Variants in EIPR1 observed in about 807,000 individuals in gnomAD.
EIPR1 encodes EARP complex and GARP complex interacting protein 1.
In EIPR1, 25 loss-of-function variants were observed where a neutral mutation model predicts 48.1. The observed-to-expected ratio is 0.52, with a 90% CI of 0.38 to 0.73. The LOEUF is 0.73. Ranked by LOEUF, EIPR1 falls within the 30% of genes least tolerant of loss-of-function variation. The pLI is 0.00. For missense variants in EIPR1, 415 were observed against 506.2 expected, an observed-to-expected ratio of 0.82 and a Z score of 1.73; for synonymous variants, 204 against 201.9, an observed-to-expected ratio of 1.01 and a Z score of -0.09.
chr2:3,191,620 T>G (rs1353037543), intron 8 of EIPR1, among the ~76,000 whole-genome samples: 2 of 152,180 alleles, frequency 1.3e-5, no homozygotes, highest in Non-Finnish European at 2.9e-5. Flanking sequence ...AGAACCTCCT[T>G]CCTCTGGAAC....
chr2:3,257,123 C>A (rs1172546166), intron 4 of EIPR1, among the ~76,000 whole-genome samples, 176 bp downstream of exon 4: 2 of 152,142 alleles, frequency 1.3e-5, no homozygotes, highest in Admixed American at 6.5e-5. Flanking sequence ...TCTGTCAATG[C>A]GGCTAATCTA....
At chr2:3,345,954 C>T (rs1670388006) in intron 2 of EIPR1, among the ~76,000 whole-genome samples, 1 of 152,168 alleles carries the variant, frequency 6.6e-6, no homozygotes, top group South Asian at 2.1e-4. Context: ...TGAAAACCAC[C>T]ACCACCACCA....
intron 3 of EIPR1, among the ~76,000 whole-genome samples, chr2:3,266,029 T>C (rs1259302507): frequency 6.6e-6 from 1 of 152,118 alleles, no homozygotes; most frequent in African/African-American, 2.4e-5. Flanking sequence ...AAAGAGATAA[T>C]CAGGGCAAAA....
chr2:3,240,945 GC>G (rs2103186644), intron 4 of EIPR1, among the ~76,000 whole-genome samples: 4 of 115,490 alleles, frequency 3.5e-5, no homozygotes, highest in East Asian at 2.7e-4. Flanking sequence ...CCTTCCTAAA[GC>G]AAAGCCAGCA....
At chr2:3,244,420 A>C (rs1666732673) in intron 4 of EIPR1, among the ~76,000 whole-genome samples, 1 of 152,194 alleles carries the variant, frequency 6.6e-6, no homozygotes, top group Admixed American at 6.5e-5. Flanking sequence ...TCACAAATAG[A>C]ATTTTGAAAA....
chr2:3,298,052 G>T lies in EIPR1; in HGVS notation c.259+39965C>A, dbSNP rs114648174. Among the ~76,000 whole-genome samples the T allele has an allele frequency of 1.0e-2, 1,519 of 152,308 alleles. 23 individuals carry two copies. The highest frequency in any genetic ancestry group is 0.035 in the African/African-American group (1,446 of 41,574). On this transcript the variant is annotated intron_variant, in intron 3 of 8. Transcript: ENST00000382125. ...TTTGAGCCTATGGGTCAGAGAGGGG[G>T]TCATCACCAAAAGATCTGCCATCTC...
At chr2:3,206,377 T>C (rs1665235384) in intron 5 of EIPR1, among the ~76,000 whole-genome samples, 1 of 152,082 alleles carries the variant, frequency 6.6e-6, no homozygotes, top group Non-Finnish European at 1.5e-5. Flanking sequence ...GGCTGCAGGC[T>C]CCCACACACC....
chr2:3,291,085 AC>A (rs1459460078), intron 3 of EIPR1, among the ~76,000 whole-genome samples: 1 of 152,152 alleles, frequency 6.6e-6, no homozygotes, highest in Non-Finnish European at 1.5e-5. Flanking sequence ...TGATGAGGAT[AC>A]CCCGAGGAAC....
intron 4 of EIPR1, among the ~76,000 whole-genome samples, chr2:3,246,904 G>A (rs1666830287): frequency 3.3e-5 from 3 of 90,070 alleles, no homozygotes; most frequent in South Asian, 1.1e-3. Context: ...AGGGAAGGAG[G>A]GAGAGAGGGA....
chr2:3,272,401 A>C (rs1667726123), intron 3 of EIPR1, among the ~76,000 whole-genome samples: 1 of 152,168 alleles, frequency 6.6e-6, no homozygotes, highest in Non-Finnish European at 1.5e-5. Context: ...CTTCCTCACT[A>C]AGCTTAATCA....
intron 2 of EIPR1, among the ~76,000 whole-genome samples, chr2:3,341,475 G>A (rs865874824): frequency 1.2e-4 from 19 of 152,094 alleles, no homozygotes; most frequent in East Asian, 5.8e-4. Context: ...GTGGGAGTGC[G>A]TGTGTGGGAG....
rs569672247 is a variant in EIPR1 at position 3,260,267 on chromosome 2, C to T, written c.260-2812G>A. ...CAGCACTTTGGGAGGCCAAGGCAGGCGGATCATGAGGTCAGGAGTTTGAGA... is the reference window on the plus strand; with the variant it reads ...CAGCACTTTGGGAGGCCAAGGCAGGTGGATCATGAGGTCAGGAGTTTGAGA... On this transcript the variant is annotated intron_variant, in intron 3 of 8. Transcript: ENST00000382125. Among the ~76,000 whole-genome samples, 130 of 152,134 alleles carry T rather than the reference C, an allele frequency of 8.5e-4. 1 individual carries two copies. Among genetic ancestry groups the T allele is most frequent in the African/African-American group, 1.9e-3 (78 of 41,496 alleles).
chr2:3,227,885 G>A (rs1165950987), intron 4 of EIPR1, among the ~76,000 whole-genome samples: 1 of 152,238 alleles, frequency 6.6e-6, no homozygotes, highest in Non-Finnish European at 1.5e-5. Flanking sequence ...GAGCCCGTGG[G>A]TGAAAAGAAG....
intron 3 of EIPR1, among the ~76,000 whole-genome samples, chr2:3,264,725 C>T (rs1052433367): frequency 2.6e-5 from 4 of 152,202 alleles, no homozygotes; most frequent in Non-Finnish European, 4.4e-5. Context: ...GACCGAGTCT[C>T]GCTCTGTCAC....
At chr2:3,200,221 G>A (rs899876342) in intron 5 of EIPR1, among the ~76,000 whole-genome samples, 1 of 152,124 alleles carries the variant, frequency 6.6e-6, no homozygotes, top group Non-Finnish European at 1.5e-5. Flanking sequence ...GGCTGCCGAT[G>A]GGCTCCTTCT....
intron 3 of EIPR1, among the ~76,000 whole-genome samples, chr2:3,267,042 A>C (rs1396491697): frequency 6.6e-6 from 1 of 152,160 alleles, no homozygotes; most frequent in African/African-American, 2.4e-5. Flanking sequence ...CCACACCCTG[A>C]ATCAATGCCA....
chr2:3,304,166 C>T lies in EIPR1; in HGVS notation c.259+33851G>A, dbSNP rs182654268. Among the ~76,000 whole-genome samples the T allele has an allele frequency of 6.5e-3, 983 of 152,304 alleles. 6 individuals are homozygous for T. The highest frequency in any genetic ancestry group is 0.012 in the Non-Finnish European group (789 of 68,024). The stretch of plus-strand genomic sequence containing the variant: ...CGGTGAAGCCACAGAGATGATCTTC[C>T]CAAGACCCCACGGAGCGCCACGCAA... On this transcript the variant is annotated intron_variant, in intron 3 of 8. Transcript: ENST00000382125.
rs1341103002 is a variant in EIPR1 at position 3,285,807 on chromosome 2, C to T, written c.260-28352G>A. On this transcript the variant is annotated intron_variant, in intron 3 of 8. Coordinates refer to ENST00000382125, the MANE Select transcript of EIPR1 (RefSeq NM_003310.5). Reference sequence around the variant, plus strand: ...GACCCTCGCACGGAGCAGAAGTCACCGACTGTCTCCGGGACCCTCGCACGG... The same window carrying T: ...GACCCTCGCACGGAGCAGAAGTCACTGACTGTCTCCGGGACCCTCGCACGG... Among the ~76,000 whole-genome samples the T allele has an allele frequency of 1.8e-4, 5 of 28,190 alleles. No homozygotes were observed. The East Asian group carries it at 3.1e-3, about 18-fold the overall frequency. The allele number at this position is 28,190 out of a possible 152,430, so 18.5% of individuals were successfully genotyped here. A position where few individuals can be genotyped will look rare whatever the true frequency, so the allele number is the denominator to read the frequency against.
intron 1 of EIPR1, among the ~76,000 whole-genome samples, chr2:3,371,393 A>C (rs1358955706): frequency 1.3e-5 from 2 of 152,210 alleles, no homozygotes; most frequent in Non-Finnish European, 2.9e-5. Flanking sequence ...ATTAACCTTA[A>C]ATGTAAATGC....
Sources: gnomAD v4.1 joint callset for allele counts (sites outside exome capture counted in the v4.1 genomes callset) on GRCh38, gnomAD v4.1.1 for gene constraint, MANE v1.5 for transcripts, NCBI Gene and HGNC (gene_info 2026-07-23, HGNC 2026-07-21) for gene names.